MARCHF1: variants seen among roughly 807,000 people sequenced by gnomAD.
MARCHF1 encodes membrane associated ring-CH-type finger 1.
In MARCHF1, 40 loss-of-function variants were observed where a neutral mutation model predicts 54.2. The observed-to-expected ratio is 0.74, with a 90% CI of 0.57 to 0.96. The LOEUF is 0.96. Ranked by LOEUF, MARCHF1 falls within the 40% of genes least tolerant of loss-of-function variation. MARCHF1 has a pLI of 0.00. For synonymous variants in MARCHF1, 236 were observed against 236.3 expected, an observed-to-expected ratio of 1.00 and a Z score of 0.01; for missense variants, 586 against 656.5, an observed-to-expected ratio of 0.89 and a Z score of 1.17.
chr4:164,339,955 G>A (rs532716728), intron 1 of MARCHF1, among the ~76,000 whole-genome samples: 1 of 152,166 alleles, frequency 6.6e-6, no homozygotes, highest in Non-Finnish European at 1.5e-5. Flanking sequence ...AATTGGATAA[G>A]CTAGAGGAAA....
At chr4:163,953,455 G>A (rs189096249) in intron 3 of MARCHF1, among the ~76,000 whole-genome samples, 1 of 152,258 alleles carries the variant, frequency 6.6e-6, no homozygotes, top group African/African-American at 2.4e-5. Context: ...ACACATAGTA[G>A]TTTAATACAT....
intron 3 of MARCHF1, among the ~76,000 whole-genome samples, chr4:163,936,299 C>T (rs1307513409): frequency 6.6e-6 from 1 of 152,172 alleles, no homozygotes; most frequent in African/African-American, 2.4e-5. Flanking sequence ...GAAGTGAGCA[C>T]ATGCTATTGA....
chr4:164,020,173 G>T (rs1753630948), intron 2 of MARCHF1, among the ~76,000 whole-genome samples: 1 of 152,068 alleles, frequency 6.6e-6, no homozygotes, highest in Admixed American at 6.6e-5. Flanking sequence ...TACTAGAGAG[G>T]AAAGCAAAAA....
chr4:164,231,461 C>T (rs1195049385), intron 1 of MARCHF1, among the ~76,000 whole-genome samples: 2 of 152,088 alleles, frequency 1.3e-5, no homozygotes, highest in African/African-American at 4.8e-5. Flanking sequence ...TGGATCAAAA[C>T]AGAACAAATC....
At chr4:163,611,315 G>T (rs1186929499) in intron 7 of MARCHF1, among the ~76,000 whole-genome samples, 1 of 151,976 alleles carries the variant, frequency 6.6e-6, no homozygotes, top group Non-Finnish European at 1.5e-5. Flanking sequence ...CACATGTAGA[G>T]TTTAATTCTT....
chr4:163,634,954 C>T (rs1357202488), intron 5 of MARCHF1, among the ~76,000 whole-genome samples: 1,644 of 107,172 alleles, frequency 0.015, 60 homozygotes, highest in African/African-American at 0.067. Flanking sequence ...CACTCAAAAC[C>T]GCTCAACTAC....
chr4:164,217,807 T>C (rs2111138768), intron 1 of MARCHF1, among the ~76,000 whole-genome samples: 1 of 152,222 alleles, frequency 6.6e-6, no homozygotes, highest in Middle Eastern at 3.4e-3. Context: ...TCCCTGTTCT[T>C]TTTGCCTATA....
At chr4:163,956,169 C>T (rs1050404091) in intron 3 of MARCHF1, among the ~76,000 whole-genome samples, 1 of 151,994 alleles carries the variant, frequency 6.6e-6, no homozygotes, top group Non-Finnish European at 1.5e-5. Flanking sequence ...CTGTAGTAGC[C>T]TCATAATATT....
At chr4:163,919,257 G>C (rs1258757559) in intron 3 of MARCHF1, among the ~76,000 whole-genome samples, 1 of 152,020 alleles carries the variant, frequency 6.6e-6, no homozygotes. Flanking sequence ...GTTAAACCTA[G>C]CTAGAGTTGC....
At chr4:164,130,031 C>T (rs1003720811) in intron 1 of MARCHF1, 1 of 152,094 alleles carries the variant, frequency 6.6e-6, no homozygotes, top group African/African-American at 2.4e-5. Flanking sequence ...TCAAGAATAT[C>T]TGTAATTTAT....
chr4:164,176,980 C>CTCTCTATA (rs1466683245), intron 1 of MARCHF1, among the ~76,000 whole-genome samples: 22 of 58,904 alleles, frequency 3.7e-4, no homozygotes, highest in East Asian at 2.5e-3. Context: ...CTCTCTCTCT[C>CTCTCTATA]TATATATATA....
intron 4 of MARCHF1, among the ~76,000 whole-genome samples, chr4:163,769,699 T>C (rs1402700938): frequency 6.6e-6 from 1 of 152,184 alleles, no homozygotes; most frequent in Non-Finnish European, 1.5e-5. Context: ...TCTTTTAGAA[T>C]GGTCTGTGAA....
At chr4:164,276,934 C>CTATATATATCTA (rs1553997972) in intron 1 of MARCHF1, among the ~76,000 whole-genome samples, 5 of 115,422 alleles carry the variant, frequency 4.3e-5, no homozygotes, top group African/African-American at 1.6e-4. Flanking sequence ...GTCTCATATT[C>CTATATATATCTA]TATATATATA....
At chr4:164,186,667 C>A (rs533749399) in intron 1 of MARCHF1, among the ~76,000 whole-genome samples, 2 of 152,308 alleles carry the variant, frequency 1.3e-5, no homozygotes, top group Non-Finnish European at 2.9e-5. Context: ...GACAGAAGCT[C>A]ACATGAATAA....
intron 1 of MARCHF1, among the ~76,000 whole-genome samples, chr4:164,248,180 C>A (rs567794513): frequency 2.6e-5 from 4 of 152,158 alleles, no homozygotes; most frequent in African/African-American, 9.6e-5. Flanking sequence ...TAATTAAACA[C>A]TGACACAACA....
At chr4:163,541,001 T>G (rs1457055279) in intron 9 of MARCHF1, among the ~76,000 whole-genome samples, 1 of 152,050 alleles carries the variant, frequency 6.6e-6, no homozygotes. Flanking sequence ...CACTCCAGCC[T>G]GGGCGAGAGG....
At chr4:164,344,586 T>G (rs979393445) in intron 1 of MARCHF1, among the ~76,000 whole-genome samples, 2 of 152,138 alleles carry the variant, frequency 1.3e-5, no homozygotes, top group Non-Finnish European at 2.9e-5. Flanking sequence ...AACACTCTGC[T>G]GTGTTAGTTG....
chr4:164,382,957 GCTCT>G (rs1236744055), intron 1 of MARCHF1, among the ~76,000 whole-genome samples: 3 of 152,158 alleles, frequency 2.0e-5, no homozygotes, highest in Non-Finnish European at 2.9e-5. Flanking sequence ...AAAACGTGAG[GCTCT>G]CTAACTACAT....
intron 5 of MARCHF1, among the ~76,000 whole-genome samples, chr4:163,619,671 G>T (rs1741618507): frequency 6.6e-6 from 1 of 151,670 alleles, no homozygotes; most frequent in Non-Finnish European, 1.5e-5. Context: ...GGAAAAGGTA[G>T]GTTATTAAAA....
Sources: gnomAD v4.1 joint callset for allele counts (sites outside exome capture counted in the v4.1 genomes callset) on GRCh38, gnomAD v4.1.1 for gene constraint, MANE v1.5 for transcripts, NCBI Gene and HGNC (gene_info 2026-07-23, HGNC 2026-07-21) for gene names.